AKAP6: variants seen among roughly 807,000 people sequenced by gnomAD.
AKAP6 encodes the protein A-kinase anchoring protein 6.
A neutral mutation model predicts 188.5 loss-of-function variants in AKAP6; 58 were observed. The ratio of observed to expected loss-of-function variants is 0.31; its 90% confidence interval spans 0.25 to 0.38. The LOEUF (loss-of-function observed/expected upper bound fraction) is 0.38, where lower values mean the gene tolerates loss of function less well. Ranked by LOEUF, AKAP6 falls within the 10% of genes least tolerant of loss-of-function variation. The pLI is 1.00. For synonymous variants in AKAP6, 989 were observed against 998.6 expected (o/e 0.99, Z 0.18); for missense variants, 2,710 against 2,740.0 (o/e 0.99, Z 0.24).
At chr14:32,666,768 C>CT (rs200888508) in intron 7 of AKAP6, among the ~76,000 whole-genome samples, 2 of 151,680 alleles carry the variant, frequency 1.3e-5, no homozygotes, top group Admixed American at 6.6e-5. Context: ...TTAATTTAGG[C>CT]TTTTTTTCAA....
intron 2 of AKAP6, among the ~76,000 whole-genome samples, chr14:32,494,656 C>T (rs1880215812): frequency 1.3e-5 from 2 of 152,102 alleles, no homozygotes; most frequent in South Asian, 2.1e-4. Flanking sequence ...GGGAATGATG[C>T]ACTATGTGAC....
intron 1 of AKAP6, among the ~76,000 whole-genome samples, chr14:32,422,683 C>T (rs1441072281): frequency 1.3e-5 from 2 of 152,168 alleles, no homozygotes; most frequent in African/African-American, 2.4e-5. Flanking sequence ...CTGGCCAGCC[C>T]TCATTCTGAG....
intron 7 of AKAP6, among the ~76,000 whole-genome samples, chr14:32,636,975 G>A (rs528195562): frequency 8.7e-4 from 132 of 152,184 alleles, no homozygotes; most frequent in African/African-American, 2.8e-3. Context: ...TGAGAAGGTG[G>A]AGCCTCAAAG....
At chr14:32,639,424 G>A (rs1887661998) in intron 7 of AKAP6, among the ~76,000 whole-genome samples, 1 of 152,084 alleles carries the variant, frequency 6.6e-6, no homozygotes, top group African/African-American at 2.4e-5. Context: ...GACAGTAAGT[G>A]AAATGTGTCT....
chr14:32,638,836 A>T (rs1594802963), intron 7 of AKAP6, among the ~76,000 whole-genome samples: 1 of 151,920 alleles, frequency 6.6e-6, no homozygotes, highest in African/African-American at 2.4e-5. Flanking sequence ...CATAATATAT[A>T]TAACTATAAT....
chr14:32,397,166 A>G (rs1298588741), intron 1 of AKAP6, among the ~76,000 whole-genome samples: 1 of 152,102 alleles, frequency 6.6e-6, no homozygotes, highest in Non-Finnish European at 1.5e-5. Flanking sequence ...TGCTGTTGCT[A>G]CTGGTCCAAG....
chr14:32,563,284 C>T (rs1168465118), intron 4 of AKAP6, among the ~76,000 whole-genome samples: 1 of 152,088 alleles, frequency 6.6e-6, no homozygotes, highest in Non-Finnish European at 1.5e-5. Context: ...TGTTACAATA[C>T]CTGTGCTATT....
intron 2 of AKAP6, among the ~76,000 whole-genome samples, chr14:32,516,653 G>A (rs939088164): frequency 1.1e-4 from 16 of 152,256 alleles, no homozygotes; most frequent in Admixed American, 8.5e-4. Context: ...ACAAATTTTT[G>A]GGGTGGAAGA....
At chr14:32,383,342 T>C (rs1161928403) in intron 1 of AKAP6, among the ~76,000 whole-genome samples, 1 of 152,144 alleles carries the variant, frequency 6.6e-6, no homozygotes, top group Non-Finnish European at 1.5e-5. Context: ...GGACTGTACC[T>C]GTCATGACTG....
intron 2 of AKAP6, among the ~76,000 whole-genome samples, chr14:32,486,334 T>G (rs1879690584): frequency 6.6e-6 from 1 of 152,014 alleles, no homozygotes; most frequent in Non-Finnish European, 1.5e-5. Flanking sequence ...TTAAAGTAGT[T>G]TTTTCTAATT....
chr14:32,570,124 C>CTTTTTTTTTTTT (rs60851991), intron 4 of AKAP6, among the ~76,000 whole-genome samples: 2 of 74,810 alleles, frequency 2.7e-5, no homozygotes, highest in African/African-American at 5.2e-5. Flanking sequence ...TGTGTGGGAA[C>CTTTTTTTTTTTT]TTTTTTTTTT....
intron 11 of AKAP6, among the ~76,000 whole-genome samples, chr14:32,761,756 G>A (rs1487555481): frequency 6.6e-6 from 1 of 152,066 alleles, no homozygotes; most frequent in African/African-American, 2.4e-5. Context: ...CTGACGGGGT[G>A]TATGGCACCG....
intron 7 of AKAP6, among the ~76,000 whole-genome samples, chr14:32,667,119 T>A (rs1251904676): frequency 6.6e-6 from 1 of 152,050 alleles, no homozygotes; most frequent in Non-Finnish European, 1.5e-5. Context: ...AATACTGAAA[T>A]TTGCTTGTAG....
chr14:32,583,857 T>G (rs1885101854), intron 5 of AKAP6, among the ~76,000 whole-genome samples: 1 of 152,186 alleles, frequency 6.6e-6, no homozygotes. Context: ...GGGAGTGACC[T>G]GATTTTCCAG....
chr14:32,561,971 T>A (rs1296366653), intron 4 of AKAP6, among the ~76,000 whole-genome samples: 1 of 152,202 alleles, frequency 6.6e-6, no homozygotes, highest in Admixed American at 6.5e-5. Context: ...AGGTCACTCA[T>A]GATGTCAGGC....
intron 4 of AKAP6, among the ~76,000 whole-genome samples, chr14:32,555,520 C>T (rs1468534745): frequency 6.6e-6 from 1 of 152,176 alleles, no homozygotes; most frequent in African/African-American, 2.4e-5. Flanking sequence ...AGAATATTTG[C>T]ATGGTTGTAA....
intron 1 of AKAP6, among the ~76,000 whole-genome samples, chr14:32,427,563 C>T (rs1422170487): frequency 1.3e-5 from 2 of 152,278 alleles, no homozygotes; most frequent in East Asian, 3.9e-4. Context: ...TCTGGCTAGG[C>T]AGTGGCATTT....
chr14:32,752,115 A>T (rs555264006), intron 11 of AKAP6, among the ~76,000 whole-genome samples: 43 of 152,312 alleles, frequency 2.8e-4, no homozygotes, highest in African/African-American at 1.0e-3. Context: ...CCCTGTACAG[A>T]TATTTCAGTC....
chr14:32,349,767 CAAT>C (rs1252487162), intron 1 of AKAP6, among the ~76,000 whole-genome samples: 2 of 152,080 alleles, frequency 1.3e-5, no homozygotes, highest in Non-Finnish European at 2.9e-5. Context: ...CACCATTCAT[CAAT>C]AAAAGGAATC....
Sources: allele counts gnomAD v4.1 joint callset (sites outside exome capture counted in the v4.1 genomes callset), GRCh38; gene constraint gnomAD v4.1.1; transcripts MANE v1.5; gene names NCBI Gene and HGNC (gene_info 2026-07-23, HGNC 2026-07-21).